Variants in TBC1D32 observed in about 807,000 individuals in gnomAD.
TBC1D32 encodes the protein TBC1 domain family member 32, also known as protein broad-minded.
TBC1D32 carries 151 observed loss-of-function variants against 170.3 expected under a neutral mutation model. That is an observed-to-expected ratio of 0.89 (90% CI 0.78 to 1.01). The LOEUF is 1.01. Ranked by LOEUF, TBC1D32 falls within the 50% of genes least tolerant of loss-of-function variation. The probability of loss-of-function intolerance (pLI) is 0.00; values close to 1 mark genes in which losing one functional copy is unlikely to be tolerated. For missense variants in TBC1D32, 1,464 were observed against 1,457.1 expected, an observed-to-expected ratio of 1.00 and a Z score of -0.08; for synonymous variants, 498 against 488.0, an observed-to-expected ratio of 1.02 and a Z score of -0.27.
chr6:121,150,628 G>C (rs6569174), intron 24 of TBC1D32, among the ~76,000 whole-genome samples: 2 of 151,892 alleles, frequency 1.3e-5, no homozygotes, highest in East Asian at 3.9e-4. Context: ...GAATCCATCT[G>C]GTCCTGGGCT....
intron 17 of TBC1D32, among the ~76,000 whole-genome samples, chr6:121,243,262 G>T (rs1797207833): frequency 6.6e-6 from 1 of 151,958 alleles, no homozygotes; most frequent in African/African-American, 2.4e-5. Context: ...AAATTTGGAG[G>T]CTGGGTAAAA....
At position 121,286,263 on chromosome 6, in the gene TBC1D32, C is replaced by A. The variant is rs143086931; in HGVS notation, c.1373-2353G>T. Among the ~76,000 whole-genome samples, 8 of 152,198 alleles carry A rather than the reference C, an allele frequency of 5.3e-5. 1 individual carries two copies. Among genetic ancestry groups the A allele is most frequent in the African/African-American group, 1.9e-4 (8 of 41,524 alleles). On this transcript the variant is annotated intron_variant, in intron 12 of 31. Coordinates refer to ENST00000398212, the MANE Select transcript of TBC1D32 (RefSeq NM_152730.6). The stretch of plus-strand genomic sequence containing the variant: ...GAAAAAAAATTGGATAAATGGCTAA[C>A]TAGAACAACCAATGCAGAGAAGTCC...
intron 2 of TBC1D32, among the ~76,000 whole-genome samples, chr6:121,320,966 T>A (rs1809624087): frequency 6.6e-6 from 1 of 152,200 alleles, no homozygotes; most frequent in Admixed American, 6.5e-5. Context: ...TGCCTAGGGC[T>A]GGTTCCCACC....
chr6:121,252,986 A>G (rs1343943142), intron 17 of TBC1D32, among the ~76,000 whole-genome samples: 1 of 152,212 alleles, frequency 6.6e-6, no homozygotes, highest in Non-Finnish European at 1.5e-5. Context: ...AATCTAAGAC[A>G]TGAAATCATA....
At chr6:121,332,111 G>C (rs1291208436) in intron 1 of TBC1D32, among the ~76,000 whole-genome samples, 2 of 151,886 alleles carry the variant, frequency 1.3e-5, no homozygotes, top group Admixed American at 1.3e-4. Context: ...AGTATTACAA[G>C]AGTCATTAGA....
intron 6 of TBC1D32, 55 bp downstream of exon 6, chr6:121,304,700 T>C (rs1807048907): frequency 6.6e-7 from 1 of 1,525,528 alleles, no homozygotes; most frequent in Non-Finnish European, 9.0e-7. Flanking sequence ...TTCCTATCCA[T>C]TCTTAAGTAC....
intron 15 of TBC1D32, among the ~76,000 whole-genome samples, chr6:121,265,676 T>C (rs1205606650): frequency 1.3e-5 from 2 of 151,908 alleles, no homozygotes; most frequent in Non-Finnish European, 2.9e-5. Flanking sequence ...ACTTCAACTA[T>C]ACTAAAAGAC....
intron 1 of TBC1D32, among the ~76,000 whole-genome samples, chr6:121,323,750 G>T (rs565662543): frequency 6.6e-6 from 1 of 152,236 alleles, no homozygotes; most frequent in South Asian, 2.1e-4. Context: ...GACCATCCTG[G>T]CCAGTATGGT....
intron 15 of TBC1D32, among the ~76,000 whole-genome samples, chr6:121,271,765 T>C (rs1801466934): frequency 6.6e-6 from 1 of 152,082 alleles, no homozygotes; most frequent in Non-Finnish European, 1.5e-5. Context: ...TAAAACTACT[T>C]TAAAGTTCAT....
chr6:121,325,690 A>AT (rs1434242743), intron 1 of TBC1D32, among the ~76,000 whole-genome samples: 1 of 152,202 alleles, frequency 6.6e-6, no homozygotes, highest in African/African-American at 2.4e-5. Flanking sequence ...AACTTGGGCA[A>AT]TATCATTCAG....
chr6:121,223,373 C>G (rs759293266), intron 20 of TBC1D32, 21 bp from the exon 21 acceptor site: 79 of 1,478,864 alleles, frequency 5.3e-5, no homozygotes, highest in Non-Finnish European at 6.5e-5. Flanking sequence ...AGAAAACAGT[C>G]ATTTAAATGA....
At chr6:121,288,453 G>C (rs1253076660) in intron 12 of TBC1D32, among the ~76,000 whole-genome samples, 1 of 152,092 alleles carries the variant, frequency 6.6e-6, no homozygotes, top group African/African-American at 2.4e-5. Context: ...ACTAAATCAG[G>C]AAGAAGTTGA....
At chr6:121,142,491 T>C (rs1371188653) in intron 24 of TBC1D32, among the ~76,000 whole-genome samples, 1 of 152,210 alleles carries the variant, frequency 6.6e-6, no homozygotes, top group Non-Finnish European at 1.5e-5. Flanking sequence ...ATAAATAGGA[T>C]ATAGATGTAA....
At chr6:121,250,948 G>C (rs529075950) in intron 17 of TBC1D32, among the ~76,000 whole-genome samples, 1 of 152,032 alleles carries the variant, frequency 6.6e-6, no homozygotes, top group South Asian at 2.1e-4. Flanking sequence ...AATAGACAGA[G>C]AGTCAAATCA....
At chr6:121,188,440 G>A (rs971234920) in intron 22 of TBC1D32, among the ~76,000 whole-genome samples, 1 of 151,996 alleles carries the variant, frequency 6.6e-6, no homozygotes, top group African/African-American at 2.4e-5. Flanking sequence ...ACATTATAAT[G>A]GAAGCTTTTA....
chr6:121,084,470 T>C (rs1176772439), intron 31 of TBC1D32, among the ~76,000 whole-genome samples: 7 of 152,086 alleles, frequency 4.6e-5, no homozygotes, highest in Admixed American at 2.6e-4. Context: ...TACAGACATA[T>C]GATGTTAGGC....
chr6:121,080,943 C>T, intron 31 of TBC1D32, 53 bp from the exon 32 acceptor site: 1 of 1,580,848 alleles, frequency 6.3e-7, no homozygotes, highest in East Asian at 2.2e-5. Context: ...CACACAATTC[C>T]AAGTTAATGA....
chr6:121,242,782 G>A (rs1195348121), intron 17 of TBC1D32, among the ~76,000 whole-genome samples: 1 of 151,750 alleles, frequency 6.6e-6, no homozygotes, highest in Non-Finnish European at 1.5e-5. Context: ...ATTTTCATAG[G>A]TGTTAATTTA....
intron 15 of TBC1D32, among the ~76,000 whole-genome samples, chr6:121,261,051 T>C (rs1799698280): frequency 6.6e-6 from 1 of 152,102 alleles, no homozygotes; most frequent in African/African-American, 2.4e-5. Flanking sequence ...GAACGGATGC[T>C]GACTCAACCC....
Sources: gnomAD v4.1 joint callset for allele counts (sites outside exome capture counted in the v4.1 genomes callset) on GRCh38, gnomAD v4.1.1 for gene constraint, MANE v1.5 for transcripts, NCBI Gene and HGNC (gene_info 2026-07-23, HGNC 2026-07-21) for gene names.